ST6GALNAC5: variants seen among roughly 807,000 people sequenced by gnomAD.
ST6GALNAC5 encodes the protein ST6 N-acetylgalactosaminide alpha-2,6-sialyltransferase 5, also known as alpha-N-acetylgalactosaminide alpha-2,6-sialyltransferase 5.
In ST6GALNAC5, 27 loss-of-function variants were observed where a neutral mutation model predicts 33.6. That is an observed-to-expected ratio of 0.80 (90% CI 0.59 to 1.11). The LOEUF (loss-of-function observed/expected upper bound fraction) is 1.11, where lower values mean the gene tolerates loss of function less well. Ranked by LOEUF, ST6GALNAC5 falls within the 50% of genes least tolerant of loss-of-function variation. ST6GALNAC5 has a pLI of 0.00. For missense variants in ST6GALNAC5, 428 were observed against 454.0 expected (o/e 0.94, Z 0.52); for synonymous variants, 194 against 171.2 (o/e 1.13, Z -1.04).
intron 2 of ST6GALNAC5, among the ~76,000 whole-genome samples, chr1:77,031,140 T>A (rs1032077882): frequency 6.6e-6 from 1 of 152,198 alleles, no homozygotes; most frequent in African/African-American, 2.4e-5. Flanking sequence ...CCCTCCCCAG[T>A]GGGTACATCA....
chr1:76,926,084 A>G (rs540521511), intron 2 of ST6GALNAC5, among the ~76,000 whole-genome samples: 19 of 152,314 alleles, frequency 1.2e-4, no homozygotes, highest in African/African-American at 4.6e-4. Flanking sequence ...GCCTCGCAGG[A>G]TCAGAAGAAG....
intron 2 of ST6GALNAC5, among the ~76,000 whole-genome samples, chr1:76,878,648 G>A (rs1336035303): frequency 6.6e-6 from 1 of 152,142 alleles, no homozygotes; most frequent in Non-Finnish European, 1.5e-5. Flanking sequence ...GGGGATCCAG[G>A]CTCCCCTTCA....
At chr1:76,906,015 G>A (rs1221003166) in intron 2 of ST6GALNAC5, among the ~76,000 whole-genome samples, 1 of 152,128 alleles carries the variant, frequency 6.6e-6, no homozygotes, top group Non-Finnish European at 1.5e-5. Flanking sequence ...CCAACTGCTT[G>A]AAAGCAAACA....
chr1:77,042,517 C>A (rs2100460251), intron 2 of ST6GALNAC5, among the ~76,000 whole-genome samples: 1 of 152,290 alleles, frequency 6.6e-6, no homozygotes, highest in Middle Eastern at 3.4e-3. Flanking sequence ...ATAAGCCCTG[C>A]ATCAATTATA....
chr1:76,941,276 T>C (rs1481943118), intron 2 of ST6GALNAC5, among the ~76,000 whole-genome samples: 1 of 152,128 alleles, frequency 6.6e-6, no homozygotes, highest in Non-Finnish European at 1.5e-5. Flanking sequence ...TTTAGAAAGT[T>C]AGAGGGCAGC....
At chr1:77,014,735 A>G (rs1650760757) in intron 2 of ST6GALNAC5, among the ~76,000 whole-genome samples, 1 of 152,112 alleles carries the variant, frequency 6.6e-6, no homozygotes. Flanking sequence ...TTTCTTGCAC[A>G]CTGGGACCTG....
chr1:76,969,731 G>A (rs764995569), intron 2 of ST6GALNAC5, among the ~76,000 whole-genome samples: 3 of 152,168 alleles, frequency 2.0e-5, no homozygotes, highest in Non-Finnish European at 4.4e-5. Context: ...CCTCAAGTGG[G>A]TCCCTGACCC....
intron 2 of ST6GALNAC5, among the ~76,000 whole-genome samples, chr1:76,901,078 A>G (rs1361224125): frequency 6.6e-6 from 1 of 152,234 alleles, no homozygotes; most frequent in East Asian, 1.9e-4. Context: ...AAGATTGAGA[A>G]GATGGAATAG....
At chr1:77,030,957 TG>T (rs1557767687) in intron 2 of ST6GALNAC5, among the ~76,000 whole-genome samples, 1 of 152,222 alleles carries the variant, frequency 6.6e-6, no homozygotes. Context: ...CAGTTGTGTC[TG>T]GGCAGTCTGC....
intron 2 of ST6GALNAC5, among the ~76,000 whole-genome samples, chr1:76,962,402 G>A (rs929273695): frequency 3.9e-5 from 6 of 152,172 alleles, no homozygotes; most frequent in Non-Finnish European, 8.8e-5. Flanking sequence ...AAGTCAAAAG[G>A]ACTTGAAGGA....
intron 2 of ST6GALNAC5, among the ~76,000 whole-genome samples, chr1:76,896,957 G>A (rs191019731): frequency 2.0e-4 from 31 of 152,204 alleles, no homozygotes; most frequent in East Asian, 1.9e-3. Context: ...AATTCTGACC[G>A]CACTAACCAT....
At chr1:76,949,346 C>T (rs997742214) in intron 2 of ST6GALNAC5, among the ~76,000 whole-genome samples, 2 of 152,090 alleles carry the variant, frequency 1.3e-5, no homozygotes, top group Non-Finnish European at 2.9e-5. Context: ...CCTGTTTGGG[C>T]CTGTTTGGGG....
At chr1:77,031,696 A>G (rs1651461862) in intron 2 of ST6GALNAC5, among the ~76,000 whole-genome samples, 1 of 152,200 alleles carries the variant, frequency 6.6e-6, no homozygotes, top group Non-Finnish European at 1.5e-5. Context: ...GGAAACCCAA[A>G]CAGAAAACCT....
Position 77,034,606 on chromosome 1 carries a change from G to A in ST6GALNAC5, c.262-9598G>A, listed in dbSNP as rs1014517126. ...CCCAGCTTCTGGGGTAAGCAAAACC[G>A]CCAGCCATGCACAAAGGCATTCAGC... On this transcript the variant is annotated intron_variant, in intron 2 of 4. Coordinates refer to ENST00000477717, the MANE Select transcript of ST6GALNAC5 (RefSeq NM_030965.3). 3.3e-5 allele frequency among the ~76,000 whole-genome samples: 5 copies of A among 152,108 alleles called. No homozygotes were observed. In the East Asian group the frequency reaches 5.8e-4, roughly 18 times the overall value.
At chr1:76,902,888 G>A (rs79513501) in intron 2 of ST6GALNAC5, among the ~76,000 whole-genome samples, 2,759 of 152,086 alleles carry the variant, frequency 0.018, 85 homozygotes, top group African/African-American at 0.062. Flanking sequence ...TTAACTCAAA[G>A]CAGATCAAAG....
At chr1:76,941,748 G>A (rs577655451) in intron 2 of ST6GALNAC5, among the ~76,000 whole-genome samples, 4 of 152,164 alleles carry the variant, frequency 2.6e-5, no homozygotes, top group African/African-American at 4.8e-5. Context: ...AGGAGCCTTC[G>A]GAAGGAGCCT....
Position 77,044,456 on chromosome 1 carries a change from G to T in ST6GALNAC5, c.514G>T (p.Gly172Cys). 3 of 1,613,354 alleles carry T rather than the reference G, an allele frequency of 1.9e-6. No individual in the cohort carries two copies. Among genetic ancestry groups the T allele is most frequent in the Non-Finnish European group, 2.5e-6 (3 of 1,179,696 alleles). ...VSQGTVFIFW[G>C]PSSYMRRDGK... ...CCAGGGCACCGTGTTCATCTTCTGG[G>T]GCCCCAGCAGCTACATGCGGCGGGA... Residue 172 changes from glycine (G) to cysteine (C), a missense_variant, in exon 3 of 5, where the codon GGC becomes TGC. Gly to Cys is a radical substitution (Grantham distance 159, BLOSUM62 -3). Transcript: ENST00000477717.
chr1:76,936,313 A>G (rs938764751), intron 2 of ST6GALNAC5, among the ~76,000 whole-genome samples: 2 of 152,060 alleles, frequency 1.3e-5, no homozygotes, highest in Non-Finnish European at 2.9e-5. Context: ...TACTATAACT[A>G]GTGTTCCCAC....
chr1:77,005,838 A>G (rs915921867), intron 2 of ST6GALNAC5, among the ~76,000 whole-genome samples: 4 of 152,214 alleles, frequency 2.6e-5, no homozygotes, highest in African/African-American at 9.6e-5. Context: ...TTCATTGAGC[A>G]TGTTTTCAAG....
Sources: gnomAD v4.1 joint callset for allele counts (sites outside exome capture counted in the v4.1 genomes callset) on GRCh38, gnomAD v4.1.1 for gene constraint, MANE v1.5 for transcripts, NCBI Gene and HGNC (gene_info 2026-07-23, HGNC 2026-07-21) for gene names.